Variants in SGCZ observed in about 807,000 individuals in gnomAD.
The protein encoded by SGCZ is sarcoglycan zeta, also known as zeta-sarcoglycan.
SGCZ carries 40 observed loss-of-function variants against 41.3 expected under a neutral mutation model. The observed-to-expected ratio is 0.97, with a 90% confidence interval of 0.75 to 1.26. The LOEUF (loss-of-function observed/expected upper bound fraction) is 1.26. Ranked by LOEUF, SGCZ falls within the 50% of genes most tolerant of loss-of-function variation. The probability of loss-of-function intolerance (pLI) is 0.00; values close to 1 mark genes in which losing one functional copy is unlikely to be tolerated. For missense variants in SGCZ, 552 were observed against 369.8 expected (o/e 1.49, Z -4.04); for synonymous variants, 206 against 137.5 (o/e 1.50, Z -3.49).
At chr8:14,414,997 G>T (rs1174167037) in intron 2 of SGCZ, among the ~76,000 whole-genome samples, 1 of 151,794 alleles carries the variant, frequency 6.6e-6, no homozygotes, top group Non-Finnish European at 1.5e-5. Flanking sequence ...TAATATTTTG[G>T]AAAATTGTGC....
intron 1 of SGCZ, among the ~76,000 whole-genome samples, chr8:14,613,123 G>C (rs1805983875): frequency 6.6e-6 from 1 of 152,210 alleles, no homozygotes; most frequent in African/African-American, 2.4e-5. Context: ...CACTCAGGGA[G>C]AGTGAACCTG....
intron 3 of SGCZ, among the ~76,000 whole-genome samples, chr8:14,264,323 A>G (rs775771845): frequency 6.6e-6 from 1 of 152,170 alleles, no homozygotes; most frequent in Non-Finnish European, 1.5e-5. Flanking sequence ...GGAGACCAGC[A>G]TCGGGTCCTT....
intron 3 of SGCZ, among the ~76,000 whole-genome samples, chr8:14,288,227 A>G (rs908014452): frequency 1.3e-5 from 2 of 152,068 alleles, no homozygotes; most frequent in South Asian, 4.1e-4. Context: ...TTAATCTCTT[A>G]AATTAATTTA....
At chr8:14,981,926 G>A (rs929643828) in intron 1 of SGCZ, among the ~76,000 whole-genome samples, 1 of 152,178 alleles carries the variant, frequency 6.6e-6, no homozygotes, top group African/African-American at 2.4e-5. Context: ...GAAGCAGGCA[G>A]ATCATTGGAG....
intron 2 of SGCZ, among the ~76,000 whole-genome samples, chr8:14,459,544 A>T (rs555059274): frequency 6.6e-6 from 1 of 152,320 alleles, no homozygotes; most frequent in South Asian, 2.1e-4. Flanking sequence ...TAATGTGAGT[A>T]AACAGAAGTT....
At chr8:14,362,812 A>G (rs1359586305) in intron 2 of SGCZ, among the ~76,000 whole-genome samples, 1 of 152,050 alleles carries the variant, frequency 6.6e-6, no homozygotes, top group East Asian at 1.9e-4. Flanking sequence ...AGCTGTTCCT[A>G]TTTGGCCATC....
chr8:14,192,206 T>C (rs1221338677), intron 4 of SGCZ, among the ~76,000 whole-genome samples: 1 of 152,076 alleles, frequency 6.6e-6, no homozygotes, highest in Non-Finnish European at 1.5e-5. Context: ...TAGGTAATTG[T>C]ATTATCTTTT....
intron 1 of SGCZ, among the ~76,000 whole-genome samples, chr8:14,914,871 T>C (rs1799380852): frequency 1.3e-5 from 2 of 152,158 alleles, no homozygotes; most frequent in Non-Finnish European, 2.9e-5. Context: ...GTAGAAGAGT[T>C]TGCTCCTTTG....
rs150554220 is a variant in SGCZ, at chr8:14,160,393, T to TTTA, written c.547+4184_547+4186dup. ...TTTAAGAGACTTCCGTGTGTAAAGG[T>TTTA]TTATTCCTTTTTTTGTTGTGTTGAC... On this transcript the variant is annotated intron_variant, in intron 5 of 7. Transcript: ENST00000382080. Among the ~76,000 whole-genome samples, 571 of 152,274 alleles carry TTTA rather than the reference T, an allele frequency of 3.7e-3. 4 individuals are homozygous for TTTA. The highest frequency in any genetic ancestry group is 0.013 in the African/African-American group (533 of 41,546).
At chr8:14,559,385 G>T (rs890382585) in intron 1 of SGCZ, among the ~76,000 whole-genome samples, 9 of 151,834 alleles carry the variant, frequency 5.9e-5, no homozygotes, top group Admixed American at 1.3e-4. Context: ...TTACCATAGA[G>T]CAAAAAATAA....
At chr8:14,525,468 A>G (rs933347898) in intron 2 of SGCZ, among the ~76,000 whole-genome samples, 7 of 152,124 alleles carry the variant, frequency 4.6e-5, no homozygotes, top group Middle Eastern at 3.2e-3. Flanking sequence ...GACACTTTTA[A>G]TATATCATTA....
rs1357997660 is a variant in SGCZ at position 14,652,936 on chromosome 8, A to T, written c.40-98010T>A. Among the ~76,000 whole-genome samples, 3 of 152,116 alleles carry T rather than the reference A, an allele frequency of 2.0e-5. No individual in the cohort carries two copies. The South Asian group carries it at 6.2e-4, about 31-fold the overall frequency. ...AATTGGAAAATATCTTAATTATCATACAAAAATTTTGTGAATATGGATCAT... is the reference window on the plus strand; with the variant it reads ...AATTGGAAAATATCTTAATTATCATTCAAAAATTTTGTGAATATGGATCAT... On this transcript the variant is annotated intron_variant, in intron 1 of 7. Coordinates refer to ENST00000382080, the MANE Select transcript of SGCZ (RefSeq NM_139167.4).
intron 2 of SGCZ, among the ~76,000 whole-genome samples, chr8:14,337,379 C>T (rs2081667): frequency 6.6e-6 from 1 of 151,826 alleles, no homozygotes; most frequent in African/African-American, 2.4e-5. Context: ...ATCAGCAAGA[C>T]GAGGGAGAGA....
At chr8:14,596,950 C>A (rs989366906) in intron 1 of SGCZ, among the ~76,000 whole-genome samples, 1 of 151,982 alleles carries the variant, frequency 6.6e-6, no homozygotes, top group Non-Finnish European at 1.5e-5. Flanking sequence ...AAAAAAACAA[C>A]CTGTCATCAA....
At position 15,234,811 on chromosome 8, in the gene SGCZ, A is replaced by G. The variant is rs186660182; in HGVS notation, c.39+2774T>C. ...CTCAAAGAGAAAATAGTTTATCCCAAATAAAGATAAATTATCAGAATCTTT... is the reference window on the plus strand; with the variant it reads ...CTCAAAGAGAAAATAGTTTATCCCAGATAAAGATAAATTATCAGAATCTTT... On this transcript the variant is annotated intron_variant, in intron 1 of 7. Transcript: ENST00000382080. Among the ~76,000 whole-genome samples the G allele has an allele frequency of 4.0e-3, 602 of 152,318 alleles. 4 individuals are homozygous for G. The highest frequency in any genetic ancestry group is 0.014 in the Middle Eastern group (4 of 294).
intron 1 of SGCZ, among the ~76,000 whole-genome samples, chr8:14,608,196 A>C (rs980695240): frequency 6.6e-6 from 1 of 152,086 alleles, no homozygotes; most frequent in African/African-American, 2.4e-5. Context: ...ATAAGGTGGA[A>C]TGAAAATAAC....
At chr8:14,222,887 C>G (rs1013488314) in intron 4 of SGCZ, among the ~76,000 whole-genome samples, 17 of 136,072 alleles carry the variant, frequency 1.2e-4, no homozygotes, top group African/African-American at 4.7e-4. Context: ...TCTCCATTCA[C>G]TGTAACCTCT....
chr8:14,567,370 T>A (rs1804403847), intron 1 of SGCZ, among the ~76,000 whole-genome samples: 1 of 152,150 alleles, frequency 6.6e-6, no homozygotes, highest in African/African-American at 2.4e-5. Flanking sequence ...ATCGGCACTC[T>A]GTATCTAGCT....
At chr8:14,760,513 C>CA (rs953405024) in intron 1 of SGCZ, among the ~76,000 whole-genome samples, 1 of 152,108 alleles carries the variant, frequency 6.6e-6, no homozygotes, top group Non-Finnish European at 1.5e-5. Context: ...TATTACTTAA[C>CA]AAAAAATGTA....
Sources: gnomAD v4.1 joint callset for allele counts (sites outside exome capture counted in the v4.1 genomes callset) on GRCh38, gnomAD v4.1.1 for gene constraint, MANE v1.5 for transcripts, NCBI Gene and HGNC (gene_info 2026-07-23, HGNC 2026-07-21) for gene names.